Variants in LRMDA observed in about 807,000 individuals in gnomAD.
LRMDA encodes the protein leucine rich melanocyte differentiation associated, also known as leucine-rich melanocyte differentiation-associated protein.
LRMDA carries 18 observed loss-of-function variants against 29.8 expected under a neutral mutation model. The observed-to-expected ratio is 0.60, with a 90% CI of 0.42 to 0.90. The LOEUF (loss-of-function observed/expected upper bound fraction) is 0.90, where lower values mean the gene tolerates loss of function less well. Ranked by LOEUF, LRMDA falls within the 40% of genes least tolerant of loss-of-function variation. The pLI, the probability that LRMDA is intolerant of heterozygous loss-of-function variation, is 0.00. For missense variants in LRMDA, 273 were observed against 273.9 expected (o/e 1.00, Z 0.02); for synonymous variants, 125 against 109.4 (o/e 1.14, Z -0.89).
intron 6 of LRMDA, among the ~76,000 whole-genome samples, chr10:76,384,550 T>G (rs576213381): frequency 6.6e-6 from 1 of 152,330 alleles, no homozygotes; most frequent in African/African-American, 2.4e-5. Flanking sequence ...ACCCCACAAT[T>G]GGACCTCATC....
At chr10:76,153,417 C>G (rs147912775) in intron 5 of LRMDA, among the ~76,000 whole-genome samples, 1 of 152,130 alleles carries the variant, frequency 6.6e-6, no homozygotes, top group Non-Finnish European at 1.5e-5. Flanking sequence ...AAGATACACA[C>G]CTGTGTGCTC....
Position 76,264,465 on chromosome 10 carries a change from G to A in LRMDA, c.517-59936G>A, listed in dbSNP as rs1204761696. 7.7e-5 allele frequency among the ~76,000 whole-genome samples: 9 copies of A among 116,428 alleles called. No homozygotes were observed. The South Asian group carries it at 1.4e-3, about 19-fold the overall frequency. The allele number at this position is 116,428 out of a possible 152,430, so 76.4% of individuals were successfully genotyped here. A position where few individuals can be genotyped will look rare whatever the true frequency, so the allele number is the denominator to read the frequency against. On this transcript the variant is annotated intron_variant, in intron 5 of 6. Coordinates refer to ENST00000611255, the MANE Select transcript of LRMDA (RefSeq NM_001305581.2). ...AAAAAAAAAAAAAAAAAACACGGAA[G>A]CAGATTGAAATAATGTGTTTTCCAT...
intron 6 of LRMDA, chr10:76,346,673 A>G (rs1192719024): frequency 1.3e-5 from 2 of 152,186 alleles, no homozygotes; most frequent in Non-Finnish European, 2.9e-5. Flanking sequence ...GAATCTTTAC[A>G]TATGTTTGTG....
intron 6 of LRMDA, among the ~76,000 whole-genome samples, chr10:76,369,346 A>G (rs1353059361): frequency 6.6e-6 from 1 of 152,122 alleles, no homozygotes; most frequent in Non-Finnish European, 1.5e-5. Flanking sequence ...TTTGAAAACA[A>G]CTGTATCTTT....
At chr10:75,904,650 G>A (rs1022787772) in intron 2 of LRMDA, among the ~76,000 whole-genome samples, 21 of 152,122 alleles carry the variant, frequency 1.4e-4, no homozygotes, top group Admixed American at 1.2e-3. Flanking sequence ...CTGTCTCCAC[G>A]GCAACGCCAC....
At chr10:75,492,642 C>G (rs1245456035) in intron 2 of LRMDA, among the ~76,000 whole-genome samples, 2 of 152,150 alleles carry the variant, frequency 1.3e-5, no homozygotes, top group African/African-American at 4.8e-5. Context: ...ACAGTCAAAC[C>G]ACAGTTTAAG....
intron 5 of LRMDA, among the ~76,000 whole-genome samples, chr10:76,096,893 A>T (rs1043796595): frequency 6.6e-6 from 1 of 152,110 alleles, no homozygotes; most frequent in Non-Finnish European, 1.5e-5. Flanking sequence ...TTAATTTCCA[A>T]TTGTTCATTG....
chr10:76,212,920 C>T (rs577107470), intron 5 of LRMDA, among the ~76,000 whole-genome samples: 1 of 152,280 alleles, frequency 6.6e-6, no homozygotes, highest in African/African-American at 2.4e-5. Context: ...AATTCAGTCC[C>T]TTTTGTGCAC....
intron 2 of LRMDA, among the ~76,000 whole-genome samples, chr10:75,585,089 T>C (rs1403982873): frequency 6.6e-6 from 1 of 152,206 alleles, no homozygotes. Flanking sequence ...GGTTAGGATA[T>C]AGAATATTCC....
At chr10:75,669,758 A>G (rs2132141973) in intron 2 of LRMDA, among the ~76,000 whole-genome samples, 1 of 152,332 alleles carries the variant, frequency 6.6e-6, no homozygotes, top group African/African-American at 2.4e-5. Context: ...TTTTGGTGAC[A>G]CTATATCATT....
At chr10:76,407,768 A>G (rs1053507036) in intron 6 of LRMDA, among the ~76,000 whole-genome samples, 6 of 152,232 alleles carry the variant, frequency 3.9e-5, no homozygotes, top group African/African-American at 1.4e-4. Context: ...GTTGAACTCA[A>G]TAAATGACTT....
intron 6 of LRMDA, among the ~76,000 whole-genome samples, chr10:76,463,856 G>A (rs1842536524): frequency 6.6e-6 from 1 of 151,582 alleles, no homozygotes; most frequent in Non-Finnish European, 1.5e-5. Flanking sequence ...TCTAACTTGT[G>A]CAGAGCTGGA....
intron 2 of LRMDA, among the ~76,000 whole-genome samples, chr10:76,004,726 ATT>A (rs926291826): frequency 1.5e-4 from 20 of 134,002 alleles, no homozygotes; most frequent in Non-Finnish European, 1.3e-4. Context: ...TTTTCTTTTA[ATT>A]TTTTTTTTTT....
At chr10:76,364,408 G>T (rs964867955) in intron 6 of LRMDA, among the ~76,000 whole-genome samples, 1 of 152,080 alleles carries the variant, frequency 6.6e-6, no homozygotes, top group African/African-American at 2.4e-5. Context: ...GGACGTTAGG[G>T]ATTATTATTG....
rs72813519 is a variant in LRMDA at position 75,985,410 on chromosome 10, C to T, written c.132-50598C>T. On this transcript the variant is annotated intron_variant, in intron 2 of 6. Transcript: ENST00000611255. ...ACTAGAGCCACAGGCTCAAATAACA[C>T]AGTTGCTGCCATCTCTCTCCTGCCA... 6.5e-3 allele frequency among the ~76,000 whole-genome samples: 989 copies of T among 152,330 alleles called. 6 individuals carry two copies. Among genetic ancestry groups the T allele is most frequent in the Non-Finnish European group, 0.01 (685 of 68,030 alleles).
intron 2 of LRMDA, among the ~76,000 whole-genome samples, chr10:75,623,614 T>G (rs1381199410): frequency 1.3e-5 from 2 of 152,146 alleles, no homozygotes; most frequent in Non-Finnish European, 1.5e-5. Flanking sequence ...TGTTGTGGTG[T>G]TTTTGGTCTT....
intron 2 of LRMDA, among the ~76,000 whole-genome samples, chr10:75,930,763 T>C (rs1846193100): frequency 6.6e-6 from 1 of 152,358 alleles, no homozygotes; most frequent in Non-Finnish European, 1.5e-5. Flanking sequence ...GGAATGTTTT[T>C]GTGAGTGTTA....
At chr10:76,359,527 G>T (rs898306908) in intron 6 of LRMDA, among the ~76,000 whole-genome samples, 6 of 152,146 alleles carry the variant, frequency 3.9e-5, no homozygotes, top group African/African-American at 1.2e-4. Flanking sequence ...CCAGCGTGTG[G>T]CTGTAAACCC....
At chr10:76,068,187 T>C (rs1848815941) in intron 5 of LRMDA, among the ~76,000 whole-genome samples, 1 of 152,212 alleles carries the variant, frequency 6.6e-6, no homozygotes, top group South Asian at 2.1e-4. Context: ...CCTGCTACTA[T>C]AGGTAATAGC....
Sources: allele counts gnomAD v4.1 joint callset (sites outside exome capture counted in the v4.1 genomes callset), GRCh38; gene constraint gnomAD v4.1.1; transcripts MANE v1.5; gene names NCBI Gene and HGNC (gene_info 2026-07-23, HGNC 2026-07-21).